The following CDK19 variants were observed in gnomAD, a reference collection of about 807,000 sequenced individuals.
The protein encoded by CDK19 is cyclin dependent kinase 19, also known as cyclin-dependent kinase 19.
Under a neutral mutation model 68.3 loss-of-function variants are expected in CDK19, and 20 were observed. The observed-to-expected ratio is 0.29, with a 90% CI of 0.21 to 0.43. CDK19 has a LOEUF of 0.43. Ranked by LOEUF, CDK19 falls within the 20% of genes least tolerant of loss-of-function variation. The pLI is 1.00. For missense variants in CDK19, 339 were observed against 623.5 expected (o/e 0.54, Z 4.86); for synonymous variants, 221 against 222.8 (o/e 0.99, Z 0.07).
chr6:110,793,606 C>G (rs914072943), intron 1 of CDK19, among the ~76,000 whole-genome samples: 2 of 152,318 alleles, frequency 1.3e-5, no homozygotes. Flanking sequence ...TCCCACCTTT[C>G]ATTGAACCCT....
intron 1 of CDK19, among the ~76,000 whole-genome samples, chr6:110,772,523 GA>G (rs1229302706): frequency 6.6e-6 from 1 of 152,122 alleles, no homozygotes; most frequent in Non-Finnish European, 1.5e-5. Context: ...ATAATTTCCA[GA>G]AGCCCCTAAG....
intron 1 of CDK19, among the ~76,000 whole-genome samples, chr6:110,765,161 T>C (rs535506167): frequency 2.0e-5 from 3 of 152,154 alleles, no homozygotes; most frequent in South Asian, 4.1e-4. Context: ...CTCATGCCTA[T>C]AATCTCAACA....
intron 1 of CDK19, among the ~76,000 whole-genome samples, chr6:110,798,763 TATC>T (rs1160418537): frequency 6.6e-6 from 1 of 150,928 alleles, no homozygotes; most frequent in Non-Finnish European, 1.5e-5. Flanking sequence ...TCAGCCAAAC[TATC>T]AATCAAGTAT....
intron 2 of CDK19, among the ~76,000 whole-genome samples, chr6:110,721,825 G>A (rs974515057): frequency 1.8e-4 from 27 of 151,908 alleles, no homozygotes; most frequent in Admixed American, 1.2e-3. Flanking sequence ...TTAGCCAGGC[G>A]TGGTGGTGCG....
chr6:110,737,990 A>T (rs1379824088), intron 2 of CDK19, among the ~76,000 whole-genome samples: 1 of 152,154 alleles, frequency 6.6e-6, no homozygotes, highest in East Asian at 1.9e-4. Flanking sequence ...CACCATACCA[A>T]ATTTTAAAGA....
chr6:110,665,264 T>C (rs900592562), intron 4 of CDK19, among the ~76,000 whole-genome samples: 8 of 152,112 alleles, frequency 5.3e-5, no homozygotes, highest in Admixed American at 6.5e-5. Flanking sequence ...GAATGAGGAC[T>C]AGAGATGAAA....
intron 2 of CDK19, among the ~76,000 whole-genome samples, chr6:110,671,243 A>G (rs770357664): frequency 6.6e-6 from 1 of 152,182 alleles, no homozygotes; most frequent in Non-Finnish European, 1.5e-5. Flanking sequence ...CAGAGCAGCA[A>G]GCAGAAACAG....
chr6:110,718,985 T>C (rs1775620337), intron 2 of CDK19, among the ~76,000 whole-genome samples: 2 of 152,188 alleles, frequency 1.3e-5, no homozygotes, highest in Admixed American at 6.5e-5. Context: ...TGTACTACTC[T>C]GGCAGAAGCT....
intron 5 of CDK19, among the ~76,000 whole-genome samples, chr6:110,635,982 G>A (rs1242675720): frequency 6.6e-6 from 1 of 152,198 alleles, no homozygotes; most frequent in African/African-American, 2.4e-5. Flanking sequence ...TTGTCCATTA[G>A]ATCTTTATCA....
At chr6:110,750,885 G>C (rs528658084) in intron 1 of CDK19, among the ~76,000 whole-genome samples, 2 of 152,242 alleles carry the variant, frequency 1.3e-5, no homozygotes, top group East Asian at 3.9e-4. Flanking sequence ...ACCCAGGCTG[G>C]AGTGCAGTGG....
chr6:110,652,089 AAAC>A (rs768717271), intron 4 of CDK19, among the ~76,000 whole-genome samples: 3 of 152,062 alleles, frequency 2.0e-5, no homozygotes, highest in Admixed American at 1.3e-4. Context: ...AGAAACAAAC[AAAC>A]AACAACAACA....
intron 2 of CDK19, among the ~76,000 whole-genome samples, chr6:110,713,642 T>G (rs1468689329): frequency 2.0e-5 from 3 of 152,144 alleles, no homozygotes; most frequent in African/African-American, 2.4e-5. Flanking sequence ...ACATAACGTT[T>G]TGTAATTTTT....
At chr6:110,699,261 C>T (rs1438088148) in intron 2 of CDK19, among the ~76,000 whole-genome samples, 1 of 151,764 alleles carries the variant, frequency 6.6e-6, no homozygotes, top group Non-Finnish European at 1.5e-5. Flanking sequence ...CCTGTCTCTA[C>T]TAAAAATACA....
At chr6:110,789,266 A>C (rs895617791) in intron 1 of CDK19, among the ~76,000 whole-genome samples, 2 of 151,924 alleles carry the variant, frequency 1.3e-5, no homozygotes, top group African/African-American at 4.8e-5. Context: ...TTCTGTGCCT[A>C]AGTTTTGATA....
chr6:110,814,879 A>C, intron 1 of CDK19, 130 bp downstream of exon 1: 2 of 1,260,552 alleles, frequency 1.6e-6, no homozygotes, highest in Non-Finnish European at 2.2e-6. Flanking sequence ...CGGTGTCCGG[A>C]CGCAACCCCG....
In CDK19 at chr6:110,614,673, G is replaced by A. The variant is rs200826813; in HGVS notation, c.1378-7C>T. 2.4e-5 allele frequency: 38 copies of A among 1,613,858 alleles called. No homozygotes were observed. In the East Asian group the frequency reaches 7.8e-4, roughly 33 times the overall value. Reference sequence around the variant, plus strand: ...TCAGGCGAGAACTGGAGTGCTAGGAGAAGGAAACAGGAAAAGGGAATTACT... The same window carrying A: ...TCAGGCGAGAACTGGAGTGCTAGGAAAAGGAAACAGGAAAAGGGAATTACT... On this transcript the variant is annotated splice_region_variant and splice_polypyrimidine_tract_variant and intron_variant, in intron 12 of 12. Transcript: ENST00000368911.
intron 2 of CDK19, among the ~76,000 whole-genome samples, chr6:110,684,288 CTTT>C (rs1230804840): frequency 6.6e-6 from 1 of 151,914 alleles, no homozygotes; most frequent in Non-Finnish European, 1.5e-5. Context: ...ATGTAGTCTT[CTTT>C]ATTTATTTTT....
At chr6:110,685,298 A>C (rs1268875441) in intron 2 of CDK19, among the ~76,000 whole-genome samples, 1 of 152,198 alleles carries the variant, frequency 6.6e-6, no homozygotes, top group African/African-American at 2.4e-5. Flanking sequence ...AAGGTACAGA[A>C]ACATATTTCC....
intron 1 of CDK19, among the ~76,000 whole-genome samples, chr6:110,802,174 T>C (rs965753450): frequency 7.2e-5 from 11 of 152,186 alleles, no homozygotes; most frequent in Admixed American, 4.6e-4. Flanking sequence ...AGCAATCCCA[T>C]TACTAGGTAT....
Sources: allele counts gnomAD v4.1 joint callset (sites outside exome capture counted in the v4.1 genomes callset), GRCh38; gene constraint gnomAD v4.1.1; transcripts MANE v1.5; gene names NCBI Gene and HGNC (gene_info 2026-07-23, HGNC 2026-07-21).